Variants in BORCS5 observed in about 807,000 individuals in gnomAD.
BORCS5 encodes the protein BLOC-1 related complex subunit 5.
Under a neutral mutation model 22.1 loss-of-function variants are expected in BORCS5, and 17 were observed. The ratio of observed to expected loss-of-function variants is 0.77; its 90% CI spans 0.53 to 1.15. The LOEUF (loss-of-function observed/expected upper bound fraction) is 1.15, where lower values mean the gene tolerates loss of function less well. Ranked by LOEUF, BORCS5 falls within the 50% of genes most tolerant of loss-of-function variation. The probability of loss-of-function intolerance (pLI) is 0.00; values close to 1 mark genes in which losing one functional copy is unlikely to be tolerated. For missense variants in BORCS5, 247 were observed against 253.2 expected (o/e 0.98, Z 0.17); for synonymous variants, 117 against 99.8 (o/e 1.17, Z -1.03).
At chr12:12,360,071 A>G (rs1180059292) in intron 1 of BORCS5, among the ~76,000 whole-genome samples, 1 of 152,146 alleles carries the variant, frequency 6.6e-6, no homozygotes, top group East Asian at 1.9e-4. Flanking sequence ...ATGTTATATA[A>G]TCCTGTAATG....
Position 12,437,626 on chromosome 12 carries a change from C to T in BORCS5, c.360+1841C>T, listed in dbSNP as rs1592127504. Among the ~76,000 whole-genome samples, 3 of 152,310 alleles carry T rather than the reference C, an allele frequency of 2.0e-5. No homozygotes were observed. The East Asian group carries it at 5.8e-4, about 29-fold the overall frequency. ...TATCTCACTTAAAGTTCTTAGGAGT[C>T]TCACAATAAAGAAAGCCAGACTTTT... On this transcript the variant is annotated intron_variant, in intron 3 of 3. Coordinates refer to ENST00000314565, the MANE Select transcript of BORCS5 (RefSeq NM_058169.6).
chr12:12,423,549 T>C (rs560973100), intron 2 of BORCS5, among the ~76,000 whole-genome samples: 1 of 150,616 alleles, frequency 6.6e-6, no homozygotes, highest in Admixed American at 6.6e-5. Context: ...AGGTTTTTTG[T>C]TTTTTGTTTT....
rs541875504 is a variant in BORCS5, at chr12:12,429,165, C to T, written c.203-6463C>T. Among the ~76,000 whole-genome samples, 7 of 152,286 alleles carry T rather than the reference C, an allele frequency of 4.6e-5. No homozygotes were observed. In the South Asian group the frequency reaches 1.4e-3, roughly 32 times the overall value. ...AATGCTCATTCAGAATGAAACACTTCAGAGGACTGGAAGTTTGTGGTCTCC... is the reference window on the plus strand; with the variant it reads ...AATGCTCATTCAGAATGAAACACTTTAGAGGACTGGAAGTTTGTGGTCTCC... On this transcript the variant is annotated intron_variant, in intron 2 of 3. Transcript: ENST00000314565.
In BORCS5 at chr12:12,396,548, A is replaced by T. The variant is rs147849074; in HGVS notation, c.202+35199A>T. On this transcript the variant is annotated intron_variant, in intron 2 of 3. Transcript: ENST00000314565. ...CCCTAGGTCCGCTGAATGCAGTATT[A>T]CAGTCATGGCAAATGTCACCGTACT... Among the ~76,000 whole-genome samples the T allele has an allele frequency of 5.3e-5, 8 of 152,302 alleles. No individual in the cohort carries two copies. In the East Asian group the frequency reaches 1.5e-3, roughly 29 times the overall value.
chr12:12,470,850 A>C lies in BORCS5; in HGVS notation c.*5074A>C, dbSNP rs1471615536. 6.6e-6 allele frequency among the ~76,000 whole-genome samples: 1 copy of C among 152,074 alleles called. No individual in the cohort carries two copies. Among genetic ancestry groups the C allele is most frequent in the Non-Finnish European group, 1.5e-5 (1 of 68,008 alleles). ...GCGTTATGCTGGTGTGTGCGTGTCC[A>C]TGCCTCCGGGATTTTTCCAGGGTTA... On this transcript the variant is annotated 3_prime_UTR_variant, in exon 4 of 4. Transcript: ENST00000314565.
chr12:12,451,294 G>A (rs1942903269), intron 3 of BORCS5, among the ~76,000 whole-genome samples: 1 of 152,036 alleles, frequency 6.6e-6, no homozygotes, highest in Admixed American at 6.5e-5. Context: ...TTACCTTGGA[G>A]TTTATTTAAA....
chr12:12,449,074 C>T (rs756840022), intron 3 of BORCS5, among the ~76,000 whole-genome samples: 11 of 152,184 alleles, frequency 7.2e-5, no homozygotes, highest in African/African-American at 1.9e-4. Flanking sequence ...TACTTCCAAC[C>T]GTGCTTTGGA....
At chr12:12,390,915 C>T (rs1941161275) in intron 2 of BORCS5, among the ~76,000 whole-genome samples, 1 of 151,840 alleles carries the variant, frequency 6.6e-6, no homozygotes, top group Non-Finnish European at 1.5e-5. Context: ...CCTAAACTGC[C>T]ATTTTTAATG....
chr12:12,431,671 A>T (rs1487268741), intron 2 of BORCS5, among the ~76,000 whole-genome samples: 2 of 151,862 alleles, frequency 1.3e-5, no homozygotes, highest in African/African-American at 4.8e-5. Flanking sequence ...AAGTGCTGGG[A>T]TTACAGGCGT....
At chr12:12,418,363 C>T (rs147986049) in intron 2 of BORCS5, among the ~76,000 whole-genome samples, 2 of 152,006 alleles carry the variant, frequency 1.3e-5, no homozygotes, top group East Asian at 3.9e-4. Context: ...TATATGATGT[C>T]CTTTGTCTCT....
chr12:12,357,573 C>T, intron 1 of BORCS5, 64 bp downstream of exon 1: 1 of 1,547,798 alleles, frequency 6.5e-7, no homozygotes, highest in Non-Finnish European at 8.8e-7. Context: ...CGGGCTGCCT[C>T]CCAGACTAGG....
chr12:12,361,184 A>C (rs572364654), intron 1 of BORCS5, 22 bp from the exon 2 acceptor site: 1 of 1,611,842 alleles, frequency 6.2e-7, no homozygotes, highest in East Asian at 2.2e-5. Context: ...GCATCTCCTA[A>C]GCAGTGTAAC....
chr12:12,371,703 A>C (rs377237417), intron 2 of BORCS5, among the ~76,000 whole-genome samples: 2 of 151,732 alleles, frequency 1.3e-5, no homozygotes, highest in African/African-American at 4.8e-5. Flanking sequence ...ATGTCTTCCA[A>C]TATTTTTCTG....
intron 3 of BORCS5, among the ~76,000 whole-genome samples, chr12:12,442,543 A>C (rs1029385184): frequency 1.3e-5 from 2 of 152,172 alleles, no homozygotes; most frequent in African/African-American, 4.8e-5. Context: ...GGTAAGAAAA[A>C]CTTGCAATCC....
chr12:12,459,300 C>T (rs372277122), intron 3 of BORCS5, among the ~76,000 whole-genome samples: 1 of 151,746 alleles, frequency 6.6e-6, no homozygotes, highest in Admixed American at 6.6e-5. Context: ...CTTTGCATAC[C>T]CCAAGGTAGC....
chr12:12,418,516 T>C (rs919144080), intron 2 of BORCS5, among the ~76,000 whole-genome samples: 12 of 152,014 alleles, frequency 7.9e-5, no homozygotes, highest in Non-Finnish European at 1.6e-4. Flanking sequence ...TAGACCCCCA[T>C]CTCTACAAAA....
At chr12:12,375,162 C>A (rs1032197571) in intron 2 of BORCS5, among the ~76,000 whole-genome samples, 1 of 152,084 alleles carries the variant, frequency 6.6e-6, no homozygotes, top group African/African-American at 2.4e-5. Context: ...CAGGTGCCTG[C>A]CACCATGCCC....
At chr12:12,376,902 G>A (rs1432237083) in intron 2 of BORCS5, among the ~76,000 whole-genome samples, 1 of 152,148 alleles carries the variant, frequency 6.6e-6, no homozygotes, top group Non-Finnish European at 1.5e-5. Flanking sequence ...GGTTAATAAG[G>A]CTTCCTCTGT....
chr12:12,374,033 G>A (rs1464107003), intron 2 of BORCS5, among the ~76,000 whole-genome samples: 1 of 140,694 alleles, frequency 7.1e-6, no homozygotes, highest in Non-Finnish European at 1.5e-5. Context: ...TGTCGCCCAG[G>A]CTTGAGTGCA....
Sources: gnomAD v4.1 joint callset for allele counts (sites outside exome capture counted in the v4.1 genomes callset) on GRCh38, gnomAD v4.1.1 for gene constraint, MANE v1.5 for transcripts, NCBI Gene and HGNC (gene_info 2026-07-23, HGNC 2026-07-21) for gene names.